The following TACR3 variants were observed in gnomAD, a reference collection of about 807,000 sequenced individuals.
TACR3 encodes neuromedin-K receptor.
Under a neutral mutation model 35.0 loss-of-function variants are expected in TACR3, and 34 were observed. The observed-to-expected ratio is 0.97, with a 90% confidence interval of 0.74 to 1.30. The LOEUF is 1.30. Among genes scored for constraint, TACR3 ranks in the 50% most tolerant of loss-of-function variants. The probability of loss-of-function intolerance (pLI) is 0.00; values close to 1 mark genes in which losing one functional copy is unlikely to be tolerated. For missense variants in TACR3, 558 were observed against 591.7 expected (o/e 0.94, Z 0.59); for synonymous variants, 233 against 221.1 (o/e 1.05, Z -0.48).
intron 3 of TACR3, among the ~76,000 whole-genome samples, chr4:103,604,947 A>G (rs1325536052): frequency 6.7e-6 from 1 of 148,930 alleles, no homozygotes; most frequent in Non-Finnish European, 1.5e-5. Flanking sequence ...GTCATCTAGC[A>G]TTAGGTATAT....
intron 3 of TACR3, among the ~76,000 whole-genome samples, chr4:103,619,535 G>T (rs1560809449): frequency 6.6e-6 from 1 of 152,176 alleles, no homozygotes; most frequent in South Asian, 2.1e-4. Context: ...GACTGCTCTG[G>T]CTGAGACTTC....
At chr4:103,611,920 T>C (rs760011908) in intron 3 of TACR3, among the ~76,000 whole-genome samples, 49 of 152,204 alleles carry the variant, frequency 3.2e-4, no homozygotes, top group African/African-American at 1.1e-3. Context: ...ATAAGTCTTA[T>C]ATCTTTTAAT....
At chr4:103,707,970 G>T (rs1722836371) in intron 1 of TACR3, among the ~76,000 whole-genome samples, 1 of 152,202 alleles carries the variant, frequency 6.6e-6, no homozygotes, top group African/African-American at 2.4e-5. Flanking sequence ...ACCCGCCATT[G>T]CTAAGGCTTG....
In TACR3 at chr4:103,669,708, A is replaced by T. The variant is rs376005820; in HGVS notation, c.549-11305T>A. Among the ~76,000 whole-genome samples, 7 of 151,980 alleles carry T rather than the reference A, an allele frequency of 4.6e-5. No homozygotes were observed. The South Asian group carries it at 8.3e-4, about 18-fold the overall frequency. ...AATGGTATTATTTGTTTTTCTATTG[A>T]GGTATTTGAGTTTCTTATATATTCT... On this transcript the variant is annotated intron_variant, in intron 1 of 4. Coordinates refer to ENST00000304883, the MANE Select transcript of TACR3 (RefSeq NM_001059.3).
Position 103,697,383 on chromosome 4 carries a change from GTTAT to G in TACR3, c.548+21741_548+21744del, listed in dbSNP as rs200248380. Among the ~76,000 whole-genome samples, 843 of 148,788 alleles carry G rather than the reference GTTAT, an allele frequency of 5.7e-3. 5 individuals carry two copies. The highest frequency in any genetic ancestry group is 0.014 in the South Asian group (66 of 4,626). ...GAGCCATGTTGTTGGGGGCACTTGTGTTATTTATTTATTTATTTGTTTATTTATT... is the reference window on the plus strand; with the variant it reads ...GAGCCATGTTGTTGGGGGCACTTGTGTTATTTATTTATTTGTTTATTTATT... On this transcript the variant is annotated intron_variant, in intron 1 of 4. Coordinates refer to ENST00000304883, the MANE Select transcript of TACR3 (RefSeq NM_001059.3).
intron 1 of TACR3, among the ~76,000 whole-genome samples, chr4:103,696,124 A>G (rs1262911192): frequency 6.6e-6 from 1 of 152,154 alleles, no homozygotes; most frequent in Non-Finnish European, 1.5e-5. Context: ...GTCTGAGAAA[A>G]GAGTATCTAT....
At chr4:103,611,557 G>A (rs1578225947) in intron 3 of TACR3, among the ~76,000 whole-genome samples, 1 of 152,120 alleles carries the variant, frequency 6.6e-6, no homozygotes, top group African/African-American at 2.4e-5. Flanking sequence ...TGTGCCACAT[G>A]CATTACCTCT....
chr4:103,691,527 GGTT>G (rs1722400679), intron 1 of TACR3, among the ~76,000 whole-genome samples: 2 of 152,160 alleles, frequency 1.3e-5, no homozygotes, highest in African/African-American at 4.8e-5. Context: ...TGGCTGTGGT[GGTT>G]GTTAAATGAA....
chr4:103,664,724 T>C (rs1193132863), intron 1 of TACR3, among the ~76,000 whole-genome samples: 1 of 152,326 alleles, frequency 6.6e-6, no homozygotes, highest in East Asian at 1.9e-4. Flanking sequence ...CTTTGACAAA[T>C]CATTTGAGAG....
At chr4:103,663,661 T>C (rs990814319) in intron 1 of TACR3, among the ~76,000 whole-genome samples, 1 of 152,178 alleles carries the variant, frequency 6.6e-6, no homozygotes, top group Non-Finnish European at 1.5e-5. Context: ...AAAATACTGT[T>C]GTAGAAAGGG....
chr4:103,678,975 AT>A (rs1726231722), intron 1 of TACR3, among the ~76,000 whole-genome samples: 1 of 151,944 alleles, frequency 6.6e-6, no homozygotes, highest in Non-Finnish European at 1.5e-5. Flanking sequence ...CAGTTCTGTC[AT>A]TTTCATGTCT....
At chr4:103,701,221 G>T (rs1456810641) in intron 1 of TACR3, among the ~76,000 whole-genome samples, 1 of 152,028 alleles carries the variant, frequency 6.6e-6, no homozygotes, top group Non-Finnish European at 1.5e-5. Flanking sequence ...CAAAATCAAT[G>T]TACAAAAATC....
rs774995072 is a variant in TACR3, at chr4:103,691,859, G to A, written c.548+27269C>T. Among the ~76,000 whole-genome samples, 59 of 152,092 alleles carry A rather than the reference G, an allele frequency of 3.9e-4. 6 individuals carry two copies. The highest frequency in any genetic ancestry group is 2.8e-3 in the Admixed American group (42 of 15,264). ...TTCCTTTAATTTGGTCCATCCCTTCGTTTCCCATAAGGGACAGTTTTAATT... is the reference window on the plus strand; with the variant it reads ...TTCCTTTAATTTGGTCCATCCCTTCATTTCCCATAAGGGACAGTTTTAATT... On this transcript the variant is annotated intron_variant, in intron 1 of 4. Coordinates refer to ENST00000304883, the MANE Select transcript of TACR3 (RefSeq NM_001059.3).
At chr4:103,591,812 A>C (rs1002723669) in intron 3 of TACR3, 129 bp from the exon 4 acceptor site, 18 of 917,850 alleles carry the variant, frequency 2.0e-5, no homozygotes, top group Non-Finnish European at 3.0e-5. Context: ...CAATATATTA[A>C]AAAATGGTGA....
intron 3 of TACR3, among the ~76,000 whole-genome samples, chr4:103,630,863 A>G (rs908316495): frequency 6.6e-6 from 1 of 152,138 alleles, no homozygotes; most frequent in African/African-American, 2.4e-5. Flanking sequence ...TCATGCTACT[A>G]TAAAGACACA....
chr4:103,614,464 G>C (rs1724586462), intron 3 of TACR3, among the ~76,000 whole-genome samples: 1 of 152,132 alleles, frequency 6.6e-6, no homozygotes, highest in South Asian at 2.1e-4. Flanking sequence ...AAATGGTTGA[G>C]CAGTGGTATA....
chr4:103,665,242 T>C (rs1232117791), intron 1 of TACR3, among the ~76,000 whole-genome samples: 1 of 152,020 alleles, frequency 6.6e-6, no homozygotes, highest in African/African-American at 2.4e-5. Flanking sequence ...GTATGACTCA[T>C]ATATGACTAT....
At chr4:103,612,526 A>AT in intron 3 of TACR3, among the ~76,000 whole-genome samples, 1 of 140,026 alleles carries the variant, frequency 7.1e-6, no homozygotes, top group Non-Finnish European at 1.6e-5. Context: ...TCTTGTGGTT[A>AT]TTTTTTGAGA....
At chr4:103,626,167 A>C in intron 3 of TACR3, among the ~76,000 whole-genome samples, 1 of 152,162 alleles carries the variant, frequency 6.6e-6, no homozygotes, top group East Asian at 1.9e-4. Flanking sequence ...TCACCCTCTA[A>C]ATCATATGGG....
Sources: gnomAD v4.1 joint callset for allele counts (sites outside exome capture counted in the v4.1 genomes callset) on GRCh38, gnomAD v4.1.1 for gene constraint, MANE v1.5 for transcripts, NCBI Gene and HGNC (gene_info 2026-07-23, HGNC 2026-07-21) for gene names.